Variants in RFX3 observed in about 807,000 individuals in gnomAD.
RFX3 encodes transcription factor RFX3.
Under a neutral mutation model 98.6 loss-of-function variants are expected in RFX3, and 14 were observed. The observed-to-expected ratio is 0.14, with a 90% CI of 0.09 to 0.22. The LOEUF (loss-of-function observed/expected upper bound fraction) is 0.22. Ranked by LOEUF, RFX3 falls within the 10% of genes least tolerant of loss-of-function variation. RFX3 has a pLI of 1.00. For missense variants in RFX3, 639 were observed against 926.9 expected (o/e 0.69, Z 4.03); for synonymous variants, 383 against 328.4 (o/e 1.17, Z -1.80).
rs80174002 is a variant in RFX3, at chr9:3,349,922, T to G, written c.118-3158A>C. Reference sequence around the variant, plus strand: ...ACATTCAGAAGTGATAAAAATACTTTTAAATAAAATTGTAAACCTGTTTGC... The same window carrying G: ...ACATTCAGAAGTGATAAAAATACTTGTAAATAAAATTGTAAACCTGTTTGC... On this transcript the variant is annotated intron_variant, in intron 2 of 16. Transcript: ENST00000617270. Among the ~76,000 whole-genome samples, 967 of 152,148 alleles carry G rather than the reference T, an allele frequency of 6.4e-3. 9 individuals are homozygous for G. The highest frequency in any genetic ancestry group is 0.022 in the African/African-American group (925 of 41,534).
intron 4 of RFX3, among the ~76,000 whole-genome samples, chr9:3,305,392 C>A (rs991842908): frequency 6.6e-6 from 1 of 151,786 alleles, no homozygotes; most frequent in Non-Finnish European, 1.5e-5. Flanking sequence ...TGGGGCCATG[C>A]TAGTAGTAAG....
chr9:3,289,947 A>G (rs111389809), intron 6 of RFX3, among the ~76,000 whole-genome samples: 67 of 152,212 alleles, frequency 4.4e-4, no homozygotes, highest in African/African-American at 1.5e-3. Context: ...ATTTTAAAAA[A>G]AAGTATTTAA....
At chr9:3,463,671 GT>G (rs904095920) in intron 1 of RFX3, among the ~76,000 whole-genome samples, 1 of 151,722 alleles carries the variant, frequency 6.6e-6, no homozygotes, top group South Asian at 2.1e-4. Context: ...ACAAAGAACT[GT>G]TTTTTTTAAA....
At chr9:3,474,596 A>C (rs1849064886) in intron 1 of RFX3, among the ~76,000 whole-genome samples, 1 of 152,218 alleles carries the variant, frequency 6.6e-6, no homozygotes, top group Non-Finnish European at 1.5e-5. Context: ...TATAGATGAG[A>C]TTACTGACTC....
At chr9:3,513,609 A>G (rs1230253043) in intron 1 of RFX3, among the ~76,000 whole-genome samples, 1 of 152,200 alleles carries the variant, frequency 6.6e-6, no homozygotes, top group Non-Finnish European at 1.5e-5. Flanking sequence ...TTACATCATT[A>G]AAGAAGGAAG....
intron 1 of RFX3, chr9:3,490,396 T>A: frequency 1.6e-6 from 1 of 632,968 alleles, no homozygotes; most frequent in Non-Finnish European, 2.0e-6. Flanking sequence ...ATGAATTTTT[T>A]GATATGTAGA....
intron 1 of RFX3, among the ~76,000 whole-genome samples, chr9:3,454,450 C>G (rs1194509222): frequency 6.6e-6 from 1 of 152,114 alleles, no homozygotes; most frequent in Non-Finnish European, 1.5e-5. Flanking sequence ...CCTCTTATGT[C>G]TGAGATCATA....
chr9:3,344,775 G>C, intron 3 of RFX3: 1 of 691,394 alleles, frequency 1.4e-6, no homozygotes, highest in East Asian at 2.7e-5. Flanking sequence ...TTCCCTGAGA[G>C]CATAAAGGTC....
chr9:3,243,108 C>CA (rs1411721417), intron 15 of RFX3, among the ~76,000 whole-genome samples: 1 of 151,844 alleles, frequency 6.6e-6, no homozygotes, highest in Non-Finnish European at 1.5e-5. Context: ...TTTTTCTGCT[C>CA]AATTTGTCTG....
At chr9:3,297,884 T>TAA (rs1343251914) in intron 5 of RFX3, among the ~76,000 whole-genome samples, 4 of 151,900 alleles carry the variant, frequency 2.6e-5, no homozygotes, top group African/African-American at 9.7e-5. Context: ...TTAACAACAT[T>TAA]TCTGAATTCA....
chr9:3,362,887 G>C (rs955033395), intron 2 of RFX3, among the ~76,000 whole-genome samples: 2 of 152,154 alleles, frequency 1.3e-5, no homozygotes, highest in Admixed American at 1.3e-4. Flanking sequence ...AGTGTGTCTG[G>C]GAGCAGGAAT....
chr9:3,440,346 AAGTT>A (rs1408529436), intron 1 of RFX3, among the ~76,000 whole-genome samples: 2 of 152,086 alleles, frequency 1.3e-5, no homozygotes, highest in East Asian at 3.8e-4. Flanking sequence ...TCTAGACAGA[AAGTT>A]AGCATCTATA....
intron 1 of RFX3, among the ~76,000 whole-genome samples, chr9:3,468,735 G>C (rs1848523667): frequency 7.0e-6 from 1 of 143,274 alleles, no homozygotes; most frequent in Non-Finnish European, 1.5e-5. Context: ...CAACCATGAA[G>C]ACCTAGACCT....
chr9:3,520,926 T>A (rs1818647778), intron 1 of RFX3, among the ~76,000 whole-genome samples: 1 of 152,206 alleles, frequency 6.6e-6, no homozygotes, highest in South Asian at 2.1e-4. Context: ...GTGATCCTTC[T>A]GCCTCAGTCC....
At chr9:3,233,287 C>T (rs1302206160) in intron 15 of RFX3, among the ~76,000 whole-genome samples, 4 of 152,128 alleles carry the variant, frequency 2.6e-5, no homozygotes, top group Admixed American at 2.6e-4. Flanking sequence ...TGGGTTGTGG[C>T]CAGGCAGCTG....
rs117527705 is a variant in RFX3, at chr9:3,387,729, C to A, written c.117+7743G>T. 1.5e-3 allele frequency among the ~76,000 whole-genome samples: 229 copies of A among 152,130 alleles called. 1 individual carries two copies. Among genetic ancestry groups the A allele is most frequent in the Middle Eastern group, 3.4e-3 (1 of 294 alleles). ...TCTTAATTATGAGAACACTGTCCCC[C>A]CTCAGGGAACCAAGCCAATGGGAAT... On this transcript the variant is annotated intron_variant, in intron 2 of 16. Coordinates refer to ENST00000617270, the MANE Select transcript of RFX3 (RefSeq NM_001282116.2).
At chr9:3,483,654 G>C (rs1164124799) in intron 1 of RFX3, among the ~76,000 whole-genome samples, 2 of 152,102 alleles carry the variant, frequency 1.3e-5, no homozygotes, top group African/African-American at 4.8e-5. Flanking sequence ...CCAGATTATA[G>C]ATATCCAGGT....
intron 2 of RFX3, among the ~76,000 whole-genome samples, chr9:3,350,008 A>T (rs906578653): frequency 2.6e-5 from 4 of 152,114 alleles, no homozygotes; most frequent in African/African-American, 9.7e-5. Context: ...TTTGAGAAAG[A>T]TTGATAATCC....
intron 1 of RFX3, among the ~76,000 whole-genome samples, chr9:3,400,842 TAAAG>T (rs1841408101): frequency 6.6e-6 from 1 of 152,096 alleles, no homozygotes; most frequent in African/African-American, 2.4e-5. Context: ...ATTTAACAAA[TAAAG>T]AAACTGAGGC....
Sources: gnomAD v4.1 joint callset for allele counts (sites outside exome capture counted in the v4.1 genomes callset) on GRCh38, gnomAD v4.1.1 for gene constraint, MANE v1.5 for transcripts, NCBI Gene and HGNC (gene_info 2026-07-23, HGNC 2026-07-21) for gene names.